The following MBTPS1 variants were observed in gnomAD, a reference collection of about 807,000 sequenced individuals.
The protein encoded by MBTPS1 is membrane bound transcription factor peptidase, site 1, also known as membrane-bound transcription factor site-1 protease.
Under a neutral mutation model 127.8 loss-of-function variants are expected in MBTPS1, and 94 were observed. That is an observed-to-expected ratio of 0.74 (90% CI 0.62 to 0.87). MBTPS1 has a LOEUF of 0.87. Ranked by LOEUF, MBTPS1 falls within the 40% of genes least tolerant of loss-of-function variation. MBTPS1 has a pLI of 0.00. For synonymous variants in MBTPS1, 632 were observed against 509.4 expected, an observed-to-expected ratio of 1.24 and a Z score of -3.24; for missense variants, 1,636 against 1,353.2, an observed-to-expected ratio of 1.21 and a Z score of -3.28.
intron 4 of MBTPS1, 106 bp downstream of exon 4, chr16:84,095,496 G>A: frequency 4.0e-6 from 5 of 1,244,872 alleles, no homozygotes; most frequent in Non-Finnish European, 5.7e-6. Flanking sequence ...GCACTAGGCA[G>A]TCCCGAACAT....
chr16:84,114,918 T>C (rs906457606), intron 1 of MBTPS1, among the ~76,000 whole-genome samples: 2 of 151,768 alleles, frequency 1.3e-5, no homozygotes, highest in African/African-American at 4.8e-5. Flanking sequence ...CCTTCAGTCT[T>C]CCAAGTTTTT....
At position 84,099,271 on chromosome 16, in the gene MBTPS1, G is replaced by C. The variant is rs751489346; in HGVS notation, c.203C>G (p.Ala68Gly). 1.2e-6 allele frequency: 2 copies of C among 1,614,024 alleles called. No homozygotes were observed. Among genetic ancestry groups the C allele is most frequent in the Admixed American group, 1.7e-5 (1 of 60,002 alleles). ...GGCACTTGAAATAAATGAATTTCTAGCTTTGGCTGTAAAGTATCCATTGAA... is the reference window on the plus strand; with the variant it reads ...GGCACTTGAAATAAATGAATTTCTACCTTTGGCTGTAAAGTATCCATTGAA... ...VAFNGYFTAK[A>G]RNSFISSALK... is the part of the protein sequence containing the mutation. The change falls in exon 3 of 23, where the codon GCT becomes GGT. Residue 68 changes from alanine to glycine, a missense_variant. Ala to Gly is a moderately conservative substitution (Grantham distance 60). Coordinates refer to ENST00000343411, the MANE Select transcript of MBTPS1 (RefSeq NM_003791.4).
chr16:84,088,236 A>G (rs546497886), intron 8 of MBTPS1, among the ~76,000 whole-genome samples: 2 of 152,292 alleles, frequency 1.3e-5, no homozygotes, highest in East Asian at 3.9e-4. Flanking sequence ...TGACAAATCA[A>G]CAACTACATA....
rs2086143398 is a variant in MBTPS1, at chr16:84,093,801, C to T, written c.646G>A (p.Val216Ile). 1 of 1,612,588 alleles carries T rather than the reference C, an allele frequency of 6.2e-7. No individual in the cohort carries two copies. The highest frequency in any genetic ancestry group is 8.5e-7 in the Non-Finnish European group (1 of 1,178,644). Residue 216 changes from valine (V) to isoleucine (I), a missense_variant, in exon 5 of 23, where the codon GTT (valine) becomes ATT (isoleucine). Coordinates refer to ENST00000343411, the MANE Select transcript of MBTPS1 (RefSeq NM_003791.4). ...GYTGANVRVA[V>I]FDTGLSEKHP... ...TTCTCGCTCAGCCCAGTGTCAAAAA[C>T]AGCAACTCTTACATTAGCACCTTAT...
chr16:84,060,421 C>T (rs1265493588), intron 20 of MBTPS1: 5 of 407,376 alleles, frequency 1.2e-5, no homozygotes, highest in Non-Finnish European at 2.3e-5. Flanking sequence ...GGTAAACACA[C>T]TCAGAGTGGC....
chr16:84,109,373 GA>G (rs2086368266), intron 1 of MBTPS1: 1 of 152,168 alleles, frequency 6.6e-6, no homozygotes, highest in East Asian at 1.9e-4. Flanking sequence ...CATGAAGTTT[GA>G]AAAAGAATGA....
At chr16:84,081,715 A>C in intron 11 of MBTPS1, 32 bp downstream of exon 11, 1 of 1,329,722 alleles carries the variant, frequency 7.5e-7, no homozygotes, top group Non-Finnish European at 9.7e-7. Context: ...AGTGAAGGAG[A>C]GAAAGACCCA....
Position 84,068,448 on chromosome 16 carries a change from A to G in MBTPS1, c.1962T>C (p.Gly654=), listed in dbSNP as rs991159155. 36 of 1,602,284 alleles carry G rather than the reference A, an allele frequency of 2.2e-5. No individual in the cohort carries two copies. The Middle Eastern group carries it at 5.0e-4, about 22-fold the overall frequency. Residue 654 remains glycine, a synonymous_variant, in exon 15 of 23, where the codon GGT becomes GGC. Coordinates refer to ENST00000343411, the MANE Select transcript of MBTPS1 (RefSeq NM_003791.4). The stretch of plus-strand genomic sequence containing the variant: ...CCCTGAAATTGGTGTGGATGTGATC[A>G]CCATTCCTGAAAAACAATAGGCCAC... ...RMKNDPLDWN[G]DHIHTNFRDM...
At chr16:84,087,491 A>T in intron 8 of MBTPS1, 31 bp from the exon 9 acceptor site, 1 of 1,330,230 alleles carries the variant, frequency 7.5e-7, no homozygotes, top group South Asian at 1.3e-5. Context: ...AAAAAAAAGA[A>T]AAGAAAAAGA....
intron 1 of MBTPS1, among the ~76,000 whole-genome samples, chr16:84,108,415 C>A (rs1422254315): frequency 6.6e-6 from 1 of 152,240 alleles, no homozygotes. Flanking sequence ...AGGCACACGC[C>A]ACCACACCCA....
chr16:84,107,043 G>A lies in MBTPS1; in HGVS notation c.-324-4936C>T, dbSNP rs74032827. Among the ~76,000 whole-genome samples, 1,501 of 152,276 alleles carry A rather than the reference G, an allele frequency of 9.9e-3. 26 individuals carry two copies. The highest frequency in any genetic ancestry group is 0.034 in the African/African-American group (1,419 of 41,552). Reference sequence around the variant, plus strand: ...CTGAGCTCTGAGCATGTTCAATTTCGGATGAGCCTCAGGGTCAAGGGCACG... The same window carrying A: ...CTGAGCTCTGAGCATGTTCAATTTCAGATGAGCCTCAGGGTCAAGGGCACG... On this transcript the variant is annotated intron_variant, in intron 1 of 22. Transcript: ENST00000343411.
chr16:84,099,301 A>G lies in MBTPS1; in HGVS notation c.173T>C (p.Val58Ala), dbSNP rs758829755. The change falls in exon 3 of 23, where the codon GTG becomes GCG. Residue 58 changes from valine to alanine, a missense_variant. Physicochemically the swap from Val to Ala is moderately conservative, Grantham distance 64 (BLOSUM62 0). Transcript: ENST00000343411. ...GGCTGTAAAGTATCCATTGAAAGCC[A>G]CAATATATTCTGAAACCAATCACCA... is the stretch of plus-strand genomic sequence containing the variant. The part of the protein sequence containing the change: ...SSTVVEYEYI[V>A]AFNGYFTAKA... 1.3e-5 allele frequency: 21 copies of G among 1,613,872 alleles called. No homozygotes were observed. The highest frequency in any genetic ancestry group is 1.8e-5 in the Non-Finnish European group (21 of 1,179,952).
At chr16:84,066,997 T>G (rs12921209) in intron 16 of MBTPS1, among the ~76,000 whole-genome samples, 34,118 of 152,114 alleles carry the variant, frequency 0.22, 4,019 homozygotes, top group African/African-American at 0.25. Flanking sequence ...TATAATACAT[T>G]GGGAGTCCTT....
rs572606836 is a variant in MBTPS1 at position 84,067,372 on chromosome 16, T to C, written c.2228+295A>G. Among the ~76,000 whole-genome samples the C allele has an allele frequency of 6.6e-5, 10 of 152,344 alleles. 1 individual carries two copies. The South Asian group carries it at 1.2e-3, about 19-fold the overall frequency. The stretch of plus-strand genomic sequence containing the variant: ...TTTTTTGTGTTTTATTTTTTCTCTT[T>C]GAGATAGGGTCTCTCTGACACCCAG... On this transcript the variant is annotated intron_variant, in intron 16 of 22. Transcript: ENST00000343411.
chr16:84,073,921 G>C (rs914184390), intron 12 of MBTPS1, among the ~76,000 whole-genome samples: 3 of 152,102 alleles, frequency 2.0e-5, no homozygotes, highest in African/African-American at 7.2e-5. Flanking sequence ...CAGTAGAATC[G>C]CTTGAACCTG....
At chr16:84,060,540 T>A in intron 20 of MBTPS1, 142 bp downstream of exon 20, 1 of 909,550 alleles carries the variant, frequency 1.1e-6, no homozygotes, top group Non-Finnish European at 1.6e-6. Context: ...TGAGTGCTGC[T>A]CTACCCGCAG....
intron 20 of MBTPS1, chr16:84,059,931 C>T (rs2085582221): frequency 6.5e-6 from 1 of 152,788 alleles, no homozygotes; most frequent in Non-Finnish European, 1.5e-5. Flanking sequence ...TTCTAATATT[C>T]TTCATGTCTT....
chr16:84,075,426 G>A (rs1045461922), intron 11 of MBTPS1: 1 of 138,332 alleles, frequency 7.2e-6, no homozygotes, highest in African/African-American at 2.7e-5. Flanking sequence ...CTGAGTTTGT[G>A]TTGGGTTCAC....
At position 84,101,797 on chromosome 16, in the gene MBTPS1, T is replaced by C. The variant is rs1597348856; in HGVS notation, c.-14A>G. On this transcript the variant is annotated 5_prime_UTR_variant, in exon 2 of 23. The change creates a new upstream start codon in the 5' untranslated region. Coordinates refer to ENST00000343411, the MANE Select transcript of MBTPS1 (RefSeq NM_003791.4). ...GACAAGCTTCATGGTCACAAGCGAA[T>C]ATGATCATAAAATTGCATATATTCA... 1 of 1,600,256 alleles carries C rather than the reference T, an allele frequency of 6.2e-7. No homozygotes were observed. Among genetic ancestry groups the C allele is most frequent in the African/African-American group, 1.3e-5 (1 of 74,432 alleles).
Sources: gnomAD v4.1 joint callset for allele counts (sites outside exome capture counted in the v4.1 genomes callset) on GRCh38, gnomAD v4.1.1 for gene constraint, MANE v1.5 for transcripts, NCBI Gene and HGNC (gene_info 2026-07-23, HGNC 2026-07-21) for gene names.